Variants in TACC2 observed in about 807,000 individuals in gnomAD.
TACC2 encodes the protein transforming acidic coiled-coil containing protein 2, also known as transforming acidic coiled-coil-containing protein 2.
TACC2 carries 137 observed loss-of-function variants against 227.3 expected under a neutral mutation model. The ratio of observed to expected loss-of-function variants is 0.60; its 90% CI spans 0.52 to 0.69. The LOEUF (loss-of-function observed/expected upper bound fraction) is 0.69. Ranked by LOEUF, TACC2 falls within the 30% of genes least tolerant of loss-of-function variation. TACC2 has a pLI of 0.00. For synonymous variants in TACC2, 1,523 were observed against 1,487.5 expected (o/e 1.02, Z -0.55); for missense variants, 3,470 against 3,694.4 (o/e 0.94, Z 1.57).
chr10:122,196,891 A>G (rs559550894), intron 8 of TACC2, among the ~76,000 whole-genome samples: 2 of 146,518 alleles, frequency 1.4e-5, no homozygotes, highest in East Asian at 4.1e-4. Context: ...AGCGGAGATC[A>G]CACCACTGCA....
At chr10:122,042,320 G>T (rs553410873) in intron 2 of TACC2, among the ~76,000 whole-genome samples, 8 of 152,200 alleles carry the variant, frequency 5.3e-5, no homozygotes, top group African/African-American at 1.7e-4. Flanking sequence ...TCAGCTCACT[G>T]CAACCTCTGC....
At chr10:122,250,739 C>G (rs548566584) in intron 22 of TACC2, among the ~76,000 whole-genome samples, 1 of 152,104 alleles carries the variant, frequency 6.6e-6, no homozygotes, top group African/African-American at 2.4e-5. Flanking sequence ...CGCACCCCAC[C>G]TCAGTGTCTA....
rs142633441 is a variant in TACC2, at chr10:122,150,384, G to A, written c.5834+6678G>A. The stretch of plus-strand genomic sequence containing the variant: ...CCAGGGCAGTGTGGGGGCCCTTCTT[G>A]CCCTGAATAGGGGCAGCTGAGGCCA... On this transcript the variant is annotated intron_variant, in intron 7 of 22. Coordinates refer to ENST00000369005, the MANE Select transcript of TACC2 (RefSeq NM_206862.4). This position sits in a 1 kb window ranked among gnomAD's most constrained non-coding sequence, Gnocchi z 4.0. Among the ~76,000 whole-genome samples, 40 of 152,324 alleles carry A rather than the reference G, an allele frequency of 2.6e-4. No individual in the cohort carries two copies. In the East Asian group the frequency reaches 7.4e-3, roughly 28 times the overall value.
chr10:122,127,721 C>T (rs963975162), intron 5 of TACC2, among the ~76,000 whole-genome samples: 1 of 152,126 alleles, frequency 6.6e-6, no homozygotes, highest in Non-Finnish European at 1.5e-5. Flanking sequence ...AGAAAAATCC[C>T]CCCATTTCCC....
At chr10:122,229,084 A>G (rs2095683573) in intron 14 of TACC2, among the ~76,000 whole-genome samples, 1 of 151,264 alleles carries the variant, frequency 6.6e-6, no homozygotes, top group African/African-American at 2.4e-5. Flanking sequence ...CTGACCAGGG[A>G]GTGAGGGTGG....
intron 8 of TACC2, among the ~76,000 whole-genome samples, chr10:122,200,803 C>T (rs1378603128): frequency 2.8e-5 from 4 of 144,778 alleles, no homozygotes; most frequent in Non-Finnish European, 4.5e-5. Context: ...ATGGGGAGGA[C>T]GGCGACCTCA....
rs768158400 is a variant in TACC2, at chr10:122,087,185, C to T, written c.4685C>T (p.Ser1562Leu). 1.9e-6 allele frequency: 3 copies of T among 1,611,656 alleles called. No homozygotes were observed. Among genetic ancestry groups the T allele is most frequent in the South Asian group, 2.2e-5 (2 of 90,720 alleles). The change falls in exon 4 of 23, where the codon TCA (serine) becomes TTA (leucine). Residue 1562 changes from serine to leucine, a missense_variant. Coordinates refer to ENST00000369005, the MANE Select transcript of TACC2 (RefSeq NM_206862.4). ...CAGGAATTAGCTTCAGGTCTTCCTT[C>T]ACCAGCAGCTACTCAGGAGCTCCCT... ...SRQELASGLP[S>L]PAATQELPVE... is the part of the protein sequence containing the mutation.
At chr10:122,163,470 G>A in intron 7 of TACC2, 1 of 692,962 alleles carries the variant, frequency 1.4e-6, no homozygotes, top group Non-Finnish European at 1.8e-6. Context: ...CAGAGGGAGG[G>A]TCTTCGCCTC....
At chr10:122,003,626 A>G (rs1180683102) in intron 1 of TACC2, among the ~76,000 whole-genome samples, 1 of 151,906 alleles carries the variant, frequency 6.6e-6, no homozygotes, top group African/African-American at 2.4e-5. Flanking sequence ...AGTTTAAACG[A>G]TAATAGCCCT....
At chr10:121,999,660 C>A (rs750343770) in intron 1 of TACC2, among the ~76,000 whole-genome samples, 1 of 152,220 alleles carries the variant, frequency 6.6e-6, no homozygotes, top group African/African-American at 2.4e-5. Context: ...TTGGCGCATT[C>A]CTTCTCCTCA....
chr10:122,144,513 C>T (rs534375316), intron 7 of TACC2, among the ~76,000 whole-genome samples: 23 of 152,202 alleles, frequency 1.5e-4, no homozygotes, highest in Non-Finnish European at 2.8e-4. Context: ...CGGCAGGCCT[C>T]GGTCCTCAGG....
At chr10:122,248,940 G>T in intron 20 of TACC2, 110 bp from the exon 21 acceptor site, 1 of 1,492,162 alleles carries the variant, frequency 6.7e-7, no homozygotes. Flanking sequence ...TGGGGAGGCA[G>T]ACTTGGCCGC....
At chr10:122,168,991 A>G (rs146955905) in intron 7 of TACC2, among the ~76,000 whole-genome samples, 4 of 152,292 alleles carry the variant, frequency 2.6e-5, no homozygotes, top group East Asian at 1.9e-4. Flanking sequence ...GTGAAAACCA[A>G]TTGTTCATGG....
At chr10:122,009,655 C>T (rs542681449) in intron 1 of TACC2, among the ~76,000 whole-genome samples, 1 of 152,268 alleles carries the variant, frequency 6.6e-6, no homozygotes, top group African/African-American at 2.4e-5. Context: ...TGGCCAGGCA[C>T]GGTGGCTCAC....
At chr10:122,145,802 CTA>C (rs1396869784) in intron 7 of TACC2, among the ~76,000 whole-genome samples, 1 of 152,172 alleles carries the variant, frequency 6.6e-6, no homozygotes, top group Non-Finnish European at 1.5e-5. Context: ...CCCATTTGCT[CTA>C]TGTCTTTCTT....
chr10:122,083,888 C>T lies in TACC2; in HGVS notation c.1388C>T (p.Ala463Val). 1 of 1,614,134 alleles carries T rather than the reference C, an allele frequency of 6.2e-7. No individual in the cohort carries two copies. Among genetic ancestry groups the T allele is most frequent in the Non-Finnish European group, 8.5e-7 (1 of 1,180,024 alleles). ...SADAAKEVVD[A>V]GLVGLERQVS... Reference sequence around the variant, plus strand: ...GATGCAGCCAAAGAGGTGGTGGATGCAGGGTTGGTGGGACTGGAGAGGCAG... The same window carrying T: ...GATGCAGCCAAAGAGGTGGTGGATGTAGGGTTGGTGGGACTGGAGAGGCAG... Residue 463 changes from alanine to valine, a missense_variant, in exon 4 of 23, where the codon GCA becomes GTA. Ala to Val is a moderately conservative substitution (Grantham distance 64, BLOSUM62 0). This residue lies in a region of TACC2 where 1,924 missense variants were observed against 1,978.3 expected (regional missense o/e 0.97). Transcript: ENST00000369005.
At chr10:122,066,100 C>CTT (rs374095548) in intron 3 of TACC2, among the ~76,000 whole-genome samples, 13 of 143,548 alleles carry the variant, frequency 9.1e-5, no homozygotes, top group Admixed American at 1.4e-4. Context: ...AAAATCTATA[C>CTT]TTTTTTTTTT....
chr10:122,066,557 G>A (rs532590063), intron 3 of TACC2, among the ~76,000 whole-genome samples: 7 of 152,114 alleles, frequency 4.6e-5, no homozygotes, highest in Non-Finnish European at 7.4e-5. Context: ...GTGAGCCACC[G>A]CGCCCAGCTT....
At chr10:122,251,771 A>G (rs919274304) in intron 22 of TACC2, among the ~76,000 whole-genome samples, 1 of 152,224 alleles carries the variant, frequency 6.6e-6, no homozygotes, top group African/African-American at 2.4e-5. Context: ...GCAGTTGAAC[A>G]TACAATGTTT....
Sources: allele counts gnomAD v4.1 joint callset (sites outside exome capture counted in the v4.1 genomes callset), GRCh38; gene constraint gnomAD v4.1.1; regional missense constraint gnomAD v4.1.1; non-coding constraint Gnocchi (gnomAD v3.1); transcripts MANE v1.5; gene names NCBI Gene and HGNC (gene_info 2026-07-23, HGNC 2026-07-21).